The following WWTR1 variants were observed in gnomAD, a reference collection of about 807,000 sequenced individuals.
WWTR1 encodes the protein WW domain-containing transcription regulator protein 1.
Under a neutral mutation model 40.1 loss-of-function variants are expected in WWTR1, and 13 were observed. That is an observed-to-expected ratio of 0.32 (90% CI 0.21 to 0.52). WWTR1 has a LOEUF of 0.52. Ranked by LOEUF, WWTR1 falls within the 20% of genes least tolerant of loss-of-function variation. The pLI is 0.97. For synonymous variants in WWTR1, 230 were observed against 210.1 expected (o/e 1.09, Z -0.82); for missense variants, 436 against 523.1 (o/e 0.83, Z 1.63).
intron 3 of WWTR1, among the ~76,000 whole-genome samples, chr3:149,556,142 C>T (rs1406655247): frequency 6.6e-6 from 1 of 152,192 alleles, no homozygotes; most frequent in Non-Finnish European, 1.5e-5. Flanking sequence ...TGTGGTTGGC[C>T]TCTATTCCAG....
At chr3:149,593,540 G>C (rs954309464) in intron 2 of WWTR1, among the ~76,000 whole-genome samples, 1 of 152,000 alleles carries the variant, frequency 6.6e-6, no homozygotes, top group Admixed American at 6.6e-5. Context: ...ATTCCACTTC[G>C]ACACTGCTCA....
chr3:149,648,869 T>TCCCC, intron 2 of WWTR1: 1 of 152,344 alleles, frequency 6.6e-6, no homozygotes, highest in African/African-American at 2.4e-5. Flanking sequence ...TTGTCTGTGT[T>TCCCC]CCCCTTCTCT....
chr3:149,607,088 A>G (rs1739523495), intron 2 of WWTR1, among the ~76,000 whole-genome samples: 1 of 152,230 alleles, frequency 6.6e-6, no homozygotes, highest in Non-Finnish European at 1.5e-5. Flanking sequence ...ATAAAAGCAG[A>G]CAAAACTCAT....
upstream of WWTR1, among the ~76,000 whole-genome samples, chr3:149,703,830 TTC>T: frequency 6.6e-6 from 1 of 152,210 alleles, no homozygotes; most frequent in South Asian, 2.1e-4. Context: ...CCCCTTCACC[TTC>T]TGCCATGATT....
intron 2 of WWTR1, among the ~76,000 whole-genome samples, chr3:149,584,068 C>T (rs1738290546): frequency 1.3e-5 from 2 of 152,156 alleles, no homozygotes; most frequent in Non-Finnish European, 1.5e-5. Context: ...TTTTTCCATG[C>T]TCTCTGTGCC....
intron 2 of WWTR1, among the ~76,000 whole-genome samples, chr3:149,624,093 A>G (rs1240004237): frequency 6.6e-6 from 1 of 152,080 alleles, no homozygotes; most frequent in East Asian, 1.9e-4. Context: ...GAGGAACTAA[A>G]TCTTTCTCCA....
At chr3:149,620,561 C>T (rs1425958501) in intron 2 of WWTR1, among the ~76,000 whole-genome samples, 4 of 3,014 alleles carry the variant, frequency 1.3e-3, no homozygotes, top group East Asian at 0.067. Flanking sequence ...CCTCCTCCAC[C>T]GCTCCCCCCC....
chr3:149,639,704 C>T (rs1210044600), intron 2 of WWTR1, among the ~76,000 whole-genome samples: 2 of 152,012 alleles, frequency 1.3e-5, no homozygotes, highest in Non-Finnish European at 1.5e-5. Context: ...TGAAAAAGTA[C>T]AGAAGTTGGC....
rs969698723 is a variant in WWTR1 at position 149,712,827 on chromosome 3, T to C, written n.584+4615A>G. On this transcript the variant is annotated intron_variant and non_coding_transcript_variant, in intron 5 of 6. Transcript: ENST00000474080. ...GAAAGTATTTTGAAACCAATTACACTTCAGGACAATATAAATGATATCTCA... is the reference window on the plus strand; with the variant it reads ...GAAAGTATTTTGAAACCAATTACACCTCAGGACAATATAAATGATATCTCA... Among the ~76,000 whole-genome samples the C allele has an allele frequency of 3.3e-5, 5 of 152,310 alleles. No homozygotes were observed. The South Asian group carries it at 1.0e-3, about 32-fold the overall frequency.
intron 1 of WWTR1, among the ~76,000 whole-genome samples, chr3:149,687,569 G>A (rs1714694611): frequency 6.6e-6 from 1 of 152,110 alleles, no homozygotes; most frequent in Non-Finnish European, 1.5e-5. Flanking sequence ...TATGAGAAAG[G>A]TACTATTTAC....
chr3:149,617,600 G>C (rs1300081628), intron 2 of WWTR1, among the ~76,000 whole-genome samples: 4 of 152,196 alleles, frequency 2.6e-5, no homozygotes, highest in Non-Finnish European at 5.9e-5. Flanking sequence ...ACAAGTTCGA[G>C]ACCAGTCTGG....
chr3:149,644,373 A>G (rs1338537322), intron 2 of WWTR1, among the ~76,000 whole-genome samples: 2 of 152,176 alleles, frequency 1.3e-5, no homozygotes, highest in Non-Finnish European at 2.9e-5. Flanking sequence ...TATTCCAGTC[A>G]CTACCTGTGC....
chr3:149,520,916 A>G lies in WWTR1; in HGVS notation c.1092T>C (p.Leu364=), dbSNP rs1268004851. The change falls in exon 7 of 7, where the codon CTT becomes CTC. Residue 364 remains leucine (L), a synonymous_variant. Transcript: ENST00000360632. ...QTRFPDFLDC[L]PGTNVDLGTL... is the part of the protein sequence containing the mutation. ...TTCCTAAGTCAACGTTTGTTCCTGG[A>G]AGACAGTCAAGGAAATCAGGGAAAC... is the stretch of plus-strand genomic sequence containing the variant. The G allele has an allele frequency of 9.3e-6, 15 of 1,613,438 alleles. No individual in the cohort carries two copies. The highest frequency in any genetic ancestry group is 1.2e-5 in the Non-Finnish European group (14 of 1,179,790).
intron 2 of WWTR1, among the ~76,000 whole-genome samples, chr3:149,651,726 C>G (rs945839217): frequency 6.6e-6 from 1 of 152,088 alleles, no homozygotes; most frequent in African/African-American, 2.4e-5. Context: ...CCCAGGAATC[C>G]TAAAACCAGA....
intron 3 of WWTR1, among the ~76,000 whole-genome samples, chr3:149,568,123 C>T (rs555168554): frequency 6.6e-5 from 10 of 152,216 alleles, no homozygotes; most frequent in Non-Finnish European, 5.9e-5. Flanking sequence ...CAGTGGCTCA[C>T]GCCTGTAATC....
rs376082261 is a variant in WWTR1, at chr3:149,542,322, T to C, written c.771+13A>G. 411 of 1,609,776 alleles carry C rather than the reference T, an allele frequency of 2.6e-4. 5 individuals carry two copies. The highest frequency in any genetic ancestry group is 1.9e-3 in the South Asian group (168 of 90,512). On this transcript the variant is annotated intron_variant, in intron 4 of 6. Transcript: ENST00000360632. ...GCCAGGGAGCCTCCACCAGACACCA[T>C]GGAAAGCCATACCTGCCTCATGAGC... is the stretch of plus-strand genomic sequence containing the variant.
intron 5 of WWTR1, among the ~76,000 whole-genome samples, chr3:149,713,085 TG>T (rs950539150): frequency 6.0e-4 from 91 of 152,272 alleles, no homozygotes; most frequent in African/African-American, 2.2e-3. Context: ...TAGCAGGGAA[TG>T]TAGGTGGAGA....
intron 3 of WWTR1, among the ~76,000 whole-genome samples, chr3:149,564,770 T>C (rs150642381): frequency 1.3e-5 from 2 of 152,128 alleles, no homozygotes; most frequent in African/African-American, 2.4e-5. Context: ...AATGTGTTTT[T>C]CAAAAAAATA....
chr3:149,665,515 G>A (rs556334988), intron 2 of WWTR1, among the ~76,000 whole-genome samples: 2 of 152,210 alleles, frequency 1.3e-5, no homozygotes, highest in East Asian at 3.9e-4. Flanking sequence ...ATGAGTTACT[G>A]CGCCCGGCTC....
Sources: allele counts gnomAD v4.1 joint callset (sites outside exome capture counted in the v4.1 genomes callset), GRCh38; gene constraint gnomAD v4.1.1; transcripts MANE v1.5; gene names NCBI Gene and HGNC (gene_info 2026-07-23, HGNC 2026-07-21).